Variants in GPATCH2 observed in about 807,000 individuals in gnomAD.
GPATCH2 encodes the protein G patch domain-containing protein 2.
In GPATCH2, 51 loss-of-function variants were observed where a neutral mutation model predicts 58.0. That is an observed-to-expected ratio of 0.88 (90% CI 0.70 to 1.11). The LOEUF is 1.11. Among genes scored for constraint, GPATCH2 ranks in the 50% most tolerant of loss-of-function variants. The pLI, the probability that GPATCH2 is intolerant of heterozygous loss-of-function variation, is 0.00. For missense variants in GPATCH2, 625 were observed against 652.2 expected, an observed-to-expected ratio of 0.96 and a Z score of 0.45; for synonymous variants, 222 against 218.5, an observed-to-expected ratio of 1.02 and a Z score of -0.14.
intron 5 of GPATCH2, among the ~76,000 whole-genome samples, chr1:217,600,566 A>T (rs1400913843): frequency 1.3e-5 from 2 of 152,178 alleles, no homozygotes; most frequent in Non-Finnish European, 2.9e-5. Context: ...AAATTTATAG[A>T]CCATCAGAAT....
intron 5 of GPATCH2, chr1:217,609,760 T>G: frequency 1.0e-6 from 1 of 955,816 alleles, no homozygotes. Context: ...GTCAGATATG[T>G]AAAAATTAAT....
chr1:217,622,653 C>T (rs573054308), intron 1 of GPATCH2, among the ~76,000 whole-genome samples: 1 of 152,316 alleles, frequency 6.6e-6, no homozygotes, highest in East Asian at 1.9e-4. Flanking sequence ...AAGTGATTCT[C>T]CTGCCTTAAC....
chr1:217,450,029 C>G (rs1400970954), intron 8 of GPATCH2, among the ~76,000 whole-genome samples: 2 of 151,958 alleles, frequency 1.3e-5, no homozygotes, highest in Admixed American at 6.6e-5. Context: ...ATTCTTCTGT[C>G]TAATTTTGGT....
intron 1 of GPATCH2, among the ~76,000 whole-genome samples, chr1:217,622,202 C>A (rs1669221650): frequency 6.6e-6 from 1 of 151,970 alleles, no homozygotes; most frequent in Non-Finnish European, 1.5e-5. Context: ...GTAGCTATTA[C>A]ATGGTTTTGA....
At chr1:217,620,928 A>G (rs1384321654) in intron 1 of GPATCH2, among the ~76,000 whole-genome samples, 1 of 152,204 alleles carries the variant, frequency 6.6e-6, no homozygotes, top group Admixed American at 6.5e-5. Flanking sequence ...GAAATCTTCT[A>G]TTCACCACGT....
intron 6 of GPATCH2, among the ~76,000 whole-genome samples, chr1:217,502,152 A>G (rs1230224785): frequency 6.6e-6 from 1 of 152,092 alleles, no homozygotes; most frequent in African/African-American, 2.4e-5. Flanking sequence ...ATCTGGTAGG[A>G]TAATTCCTAC....
Position 217,620,278 on chromosome 1 carries a change from T to G in GPATCH2, c.278A>C (p.Asp93Ala). 1 of 1,614,072 alleles carries G rather than the reference T, an allele frequency of 6.2e-7. No individual in the cohort carries two copies. Among genetic ancestry groups the G allele is most frequent in the South Asian group, 1.1e-5 (1 of 91,084 alleles). The change falls in exon 2 of 10, where the codon GAT becomes GCT. Residue 93 changes from aspartate to alanine, a missense_variant. Asp to Ala is a moderately radical substitution (Grantham distance 126, BLOSUM62 -2). Coordinates refer to ENST00000366935, the MANE Select transcript of GPATCH2 (RefSeq NM_018040.5). ...ETGHCLSEGS[D>A]SSLEEPSKDY... ...CTTGCTTGGTTCTTCTAAACTAGAA[T>G]CAGAGCCTTCACTTAAGCAGTGACC...
At chr1:217,533,289 C>T (rs557288395) in intron 5 of GPATCH2, among the ~76,000 whole-genome samples, 10 of 152,018 alleles carry the variant, frequency 6.6e-5, no homozygotes, top group South Asian at 2.1e-4. Context: ...TTTGTTTATG[C>T]GGATTATATC....
chr1:217,428,290 G>C lies in GPATCH2; in HGVS notation c.*2855C>G, dbSNP rs1055491250. On this transcript the variant is annotated 3_prime_UTR_variant, in exon 10 of 10. Transcript: ENST00000366935. ...TTGCTATAAGGCTACAGATACTGTA[G>C]AAGAGTGGCTTCACAAAACAGCAGA... 3.9e-5 allele frequency: 6 copies of C among 152,180 alleles called. No homozygotes were observed. The highest frequency in any genetic ancestry group is 1.4e-4 in the African/African-American group (6 of 41,436). The allele number at this position is 152,180 out of a possible 1,614,324, so 9.4% of individuals were successfully genotyped here. A position where few individuals can be genotyped will look rare whatever the true frequency, so the allele number is the denominator to read the frequency against.
rs1291860165 is a variant in GPATCH2 at position 217,610,395 on chromosome 1, G to A, written c.1024C>T (p.Gln342Ter). The A allele has an allele frequency of 3.2e-6, 5 of 1,586,772 alleles. No homozygotes were observed. The highest frequency in any genetic ancestry group is 4.3e-6 in the Non-Finnish European group (5 of 1,157,812). The change falls in exon 5 of 10, where the codon CAA becomes TAA. Residue 342 changes from glutamine to a stop codon, truncating the protein, a stop_gained. Transcript: ENST00000366935. LOFTEE classifies it high-confidence loss of function. ...CCATGAAGGCGACTGAGTCTAGCTT[G>A]GAAACCTGTAAAATCAAAGTACTCA... ...LMSHPSRRGF[Q>*]ARLSRLHGMS...
At chr1:217,592,460 T>A (rs531577225) in intron 5 of GPATCH2, among the ~76,000 whole-genome samples, 1 of 151,992 alleles carries the variant, frequency 6.6e-6, no homozygotes, top group South Asian at 2.1e-4. Flanking sequence ...TGGATACCAA[T>A]ATGACTTCAC....
chr1:217,567,955 A>T (rs1378950992), intron 5 of GPATCH2, among the ~76,000 whole-genome samples: 1 of 152,158 alleles, frequency 6.6e-6, no homozygotes, highest in Non-Finnish European at 1.5e-5. Context: ...TCTCCACTAA[A>T]AATACAAAAA....
At chr1:217,482,057 G>A (rs1661235962) in intron 8 of GPATCH2, among the ~76,000 whole-genome samples, 1 of 152,162 alleles carries the variant, frequency 6.6e-6, no homozygotes, top group Non-Finnish European at 1.5e-5. Flanking sequence ...TAAACTGAGA[G>A]AGAGAGAGAG....
intron 5 of GPATCH2, among the ~76,000 whole-genome samples, chr1:217,581,538 C>T (rs1667084138): frequency 6.6e-6 from 1 of 152,202 alleles, no homozygotes; most frequent in African/African-American, 2.4e-5. Flanking sequence ...TCCCACCTCC[C>T]CCAACTTCTC....
chr1:217,533,832 G>A (rs1031628776), intron 5 of GPATCH2, among the ~76,000 whole-genome samples: 2 of 152,080 alleles, frequency 1.3e-5, no homozygotes, highest in Admixed American at 6.5e-5. Context: ...AAATAGCAAC[G>A]GGGATAACAA....
intron 5 of GPATCH2, among the ~76,000 whole-genome samples, chr1:217,566,847 T>C (rs1375160482): frequency 6.6e-6 from 1 of 152,202 alleles, no homozygotes; most frequent in Non-Finnish European, 1.5e-5. Context: ...TTTGCTACTG[T>C]GGCAGTTTTA....
At chr1:217,435,934 G>T (rs1658804639) in intron 9 of GPATCH2, among the ~76,000 whole-genome samples, 1 of 152,092 alleles carries the variant, frequency 6.6e-6, no homozygotes, top group Non-Finnish European at 1.5e-5. Context: ...CATACTTCAT[G>T]ATACTTTTGT....
At chr1:217,449,780 C>T (rs1360012469) in intron 8 of GPATCH2, among the ~76,000 whole-genome samples, 3 of 152,150 alleles carry the variant, frequency 2.0e-5, no homozygotes, top group Non-Finnish European at 4.4e-5. Flanking sequence ...GCAGTGAATT[C>T]TCTTAAAACA....
At chr1:217,590,299 G>A (rs1001556246) in intron 5 of GPATCH2, among the ~76,000 whole-genome samples, 1 of 152,096 alleles carries the variant, frequency 6.6e-6, no homozygotes, top group Admixed American at 6.6e-5. Context: ...TGGGATTACA[G>A]GCATGAGCCA....
Sources: allele counts gnomAD v4.1 joint callset (sites outside exome capture counted in the v4.1 genomes callset), GRCh38; gene constraint gnomAD v4.1.1; transcripts MANE v1.5; gene names NCBI Gene and HGNC (gene_info 2026-07-23, HGNC 2026-07-21).